PHLPP1: variants seen among roughly 807,000 people sequenced by gnomAD.
The protein encoded by PHLPP1 is PH domain leucine-rich repeat-containing protein phosphatase 1.
PHLPP1 carries 42 observed loss-of-function variants against 117.2 expected under a neutral mutation model. The observed-to-expected ratio is 0.36, with a 90% CI of 0.28 to 0.46. The LOEUF is 0.46. PHLPP1 is among the 20% of genes least tolerant of loss of function. The pLI is 1.00. For synonymous variants in PHLPP1, 1,042 were observed against 970.7 expected (o/e 1.07, Z -1.37); for missense variants, 2,084 against 2,241.9 (o/e 0.93, Z 1.42).
intron 4 of PHLPP1, among the ~76,000 whole-genome samples, chr18:62,892,082 C>CTTTTTTTTTTTTTTTTTTTTT (rs200141250): frequency 1.3e-4 from 14 of 107,962 alleles, no homozygotes; most frequent in Non-Finnish European, 1.6e-4. Context: ...TTCTTTCTTT[C>CTTTTTTTTTTTTTTTTTTTTT]TTTTTTTTTT....
At position 62,906,042 on chromosome 18, in the gene PHLPP1, T is replaced by C. The variant is rs1052192490; in HGVS notation, c.2708+758T>C. 2.6e-5 allele frequency among the ~76,000 whole-genome samples: 4 copies of C among 152,306 alleles called. No homozygotes were observed. The Middle Eastern group carries it at 0.014, about 518-fold the overall frequency. On this transcript the variant is annotated intron_variant, in intron 8 of 16. Transcript: ENST00000262719. Reference sequence around the variant, plus strand: ...CCAAAGGAGATACACAAAAATGTTCTAAACATAGGGAGTTTGTGGCCCACT... The same window carrying C: ...CCAAAGGAGATACACAAAAATGTTCCAAACATAGGGAGTTTGTGGCCCACT...
rs368697815 is a variant in PHLPP1 at position 62,979,048 on chromosome 18, A to G, written c.4771A>G (p.Ser1591Gly). 3 of 1,613,754 alleles carry G rather than the reference A, an allele frequency of 1.9e-6. No homozygotes were observed. The highest frequency in any genetic ancestry group is 2.5e-6 in the Non-Finnish European group (3 of 1,179,832). Reference protein sequence around the residue: ...QHLLQVPAEASDEGIVISANE... With the variant: ...QHLLQVPAEAGDEGIVISANE... ...CCTGCTTCAGGTGCCAGCAGAGGCC[A>G]GTGATGAGGGCATTGTCATCAGCGC... The change falls in exon 17 of 17, where the codon AGT becomes GGT. Residue 1591 changes from serine to glycine, a missense_variant. Transcript: ENST00000262719.
intron 10 of PHLPP1, among the ~76,000 whole-genome samples, chr18:62,930,209 G>A (rs1909766194): frequency 6.6e-6 from 1 of 152,054 alleles, no homozygotes. Flanking sequence ...TGTTAAAGAA[G>A]GCATAATATA....
Position 62,717,204 on chromosome 18 carries a change from G to A in PHLPP1, c.1521G>A (p.Arg507=), listed in dbSNP as rs776218934. The change falls in exon 1 of 17, where the codon AGG becomes AGA. Residue 507 remains arginine, a synonymous_variant. Transcript: ENST00000262719. Reference sequence around the variant, plus strand: ...AACTGGGATTTGGGGAGCTGTGGAGGGTGCAGGAGGAAGGCATGGACTCGG... The same window carrying A: ...AACTGGGATTTGGGGAGCTGTGGAGAGTGCAGGAGGAAGGCATGGACTCGG... ...LFQLGFGELW[R]VQEEGMDSEI... is the part of the protein sequence containing the mutation. 1.9e-6 allele frequency: 3 copies of A among 1,610,574 alleles called. No individual in the cohort carries two copies. The highest frequency in any genetic ancestry group is 2.2e-5 in the South Asian group (2 of 90,778).
In PHLPP1 at chr18:62,838,763, T is replaced by C; in HGVS notation, c.1774-21T>C. On this transcript the variant is annotated intron_variant, in intron 2 of 16. Transcript: ENST00000262719. ...TTCTGCTGTCTGACTTGTTTCTGCT[T>C]CTCTCTGTTTGCTTTTATAGGTAGA... 4 of 1,217,124 alleles carry C rather than the reference T, an allele frequency of 3.3e-6. No homozygotes were observed. In the South Asian group the frequency reaches 5.3e-5, roughly 16 times the overall value. The allele number at this position is 1,217,124 out of a possible 1,614,324, so 75.4% of individuals were successfully genotyped here.
intron 10 of PHLPP1, among the ~76,000 whole-genome samples, chr18:62,932,061 T>G (rs947123109): frequency 6.6e-6 from 1 of 151,846 alleles, no homozygotes. Flanking sequence ...CTTCCCAAGG[T>G]TGAACCAGGA....
chr18:62,913,846 C>G (rs955079216), intron 8 of PHLPP1, among the ~76,000 whole-genome samples: 1 of 145,862 alleles, frequency 6.9e-6, no homozygotes, highest in African/African-American at 2.5e-5. Context: ...CGGGTTCAAA[C>G]GATTCTCGTG....
chr18:62,741,126 C>A (rs571170705), intron 1 of PHLPP1, among the ~76,000 whole-genome samples: 1 of 152,134 alleles, frequency 6.6e-6, no homozygotes, highest in Non-Finnish European at 1.5e-5. Flanking sequence ...TGAGAAAGAA[C>A]CATAATTGCT....
At chr18:62,784,186 G>A (rs1026255202) in intron 1 of PHLPP1, among the ~76,000 whole-genome samples, 2 of 152,208 alleles carry the variant, frequency 1.3e-5, no homozygotes, top group Non-Finnish European at 2.9e-5. Flanking sequence ...TGAGCATTTG[G>A]CAACATCTGG....
chr18:62,871,801 C>T (rs748659888), intron 4 of PHLPP1, among the ~76,000 whole-genome samples: 3 of 152,082 alleles, frequency 2.0e-5, no homozygotes, highest in African/African-American at 7.2e-5. Flanking sequence ...CGCGCCACCA[C>T]GCCCAGCAAA....
chr18:62,973,687 A>G (rs1911114942), intron 15 of PHLPP1, among the ~76,000 whole-genome samples: 1 of 152,186 alleles, frequency 6.6e-6, no homozygotes, highest in Non-Finnish European at 1.5e-5. Context: ...TCTTGCTGCT[A>G]CACTCACCCC....
At chr18:62,819,116 G>C (rs1247450935) in intron 1 of PHLPP1, among the ~76,000 whole-genome samples, 3 of 152,214 alleles carry the variant, frequency 2.0e-5, no homozygotes, top group Non-Finnish European at 2.9e-5. Flanking sequence ...ACCAACTCAT[G>C]CATACCACTG....
intron 1 of PHLPP1, among the ~76,000 whole-genome samples, chr18:62,825,831 T>A (rs1914598728): frequency 6.6e-6 from 1 of 152,208 alleles, no homozygotes; most frequent in Non-Finnish European, 1.5e-5. Flanking sequence ...AAAAAATGTC[T>A]ATCAAGATAA....
intron 8 of PHLPP1, among the ~76,000 whole-genome samples, chr18:62,914,169 T>C (rs542028027): frequency 6.6e-6 from 1 of 152,320 alleles, no homozygotes; most frequent in African/African-American, 2.4e-5. Flanking sequence ...ACTGTTTCTC[T>C]CCCTTCCCAT....
At chr18:62,880,627 A>T (rs1193868950) in intron 4 of PHLPP1, among the ~76,000 whole-genome samples, 3 of 151,032 alleles carry the variant, frequency 2.0e-5, no homozygotes, top group Non-Finnish European at 4.5e-5. Context: ...TGTTGGTGAG[A>T]AAATGAAAAA....
chr18:62,855,209 C>T (rs1047062973), intron 3 of PHLPP1, among the ~76,000 whole-genome samples: 5 of 152,144 alleles, frequency 3.3e-5, no homozygotes, highest in African/African-American at 9.7e-5. Context: ...AAAAGGAAAA[C>T]GCTAGAATAA....
rs1910735158 is a variant in PHLPP1 at position 62,716,389 on chromosome 18, C to G, written c.706C>G (p.Gln236Glu). The change falls in exon 1 of 17, where the codon CAG becomes GAG. Residue 236 changes from glutamine (Q) to glutamate (E), a missense_variant. Around this residue, in one of 2 missense-constraint regions of PHLPP1, gnomAD observed 719 missense variants for 636.0 expected, o/e 1.13. Transcript: ENST00000262719. The surrounding 1 kb of genome is among the most constrained non-coding windows in gnomAD (Gnocchi z 5.7). The part of the protein sequence containing the change: ...TAGEVAARLL[Q>E]LGHKGGGVVK... ...CGGCGAGGTGGCCGCCCGCCTGCTG[C>G]AGCTGGGCCACAAAGGCGGCGGCGT... 6.7e-7 allele frequency: 1 copy of G among 1,484,486 alleles called. No homozygotes were observed. Among genetic ancestry groups the G allele is most frequent in the Non-Finnish European group, 8.9e-7 (1 of 1,122,198 alleles). 92.0% of individuals were successfully genotyped at this position (1,484,486 alleles called of 1,614,324 possible).
At chr18:62,814,497 G>C (rs1248093341) in intron 1 of PHLPP1, among the ~76,000 whole-genome samples, 3 of 152,104 alleles carry the variant, frequency 2.0e-5, no homozygotes, top group Non-Finnish European at 2.9e-5. Flanking sequence ...TCTGTCACTG[G>C]TCATAGTGAA....
intron 10 of PHLPP1, among the ~76,000 whole-genome samples, chr18:62,921,643 G>A (rs1909474328): frequency 6.6e-6 from 1 of 152,164 alleles, no homozygotes; most frequent in Non-Finnish European, 1.5e-5. Context: ...AAAAATATTT[G>A]TGTAATAAAT....
Sources: gnomAD v4.1 joint callset for allele counts (sites outside exome capture counted in the v4.1 genomes callset) on GRCh38, gnomAD v4.1.1 for gene constraint, gnomAD v4.1.1 regional missense constraint, Gnocchi (gnomAD v3.1) non-coding constraint, MANE v1.5 for transcripts, NCBI Gene and HGNC (gene_info 2026-07-23, HGNC 2026-07-21) for gene names.